CLUL1: variants seen among roughly 807,000 people sequenced by gnomAD.
CLUL1 encodes clusterin like 1.
In CLUL1, 43 loss-of-function variants were observed where a neutral mutation model predicts 49.4. The ratio of observed to expected loss-of-function variants is 0.87; its 90% CI spans 0.68 to 1.12. CLUL1 has a LOEUF of 1.12. Among genes scored for constraint, CLUL1 ranks in the 50% most tolerant of loss-of-function variants. The pLI is 0.00. For missense variants in CLUL1, 486 were observed against 544.4 expected (o/e 0.89, Z 1.07); for synonymous variants, 192 against 184.9 (o/e 1.04, Z -0.31).
intron 6 of CLUL1, among the ~76,000 whole-genome samples, chr18:631,611 C>T (rs1407158875): frequency 6.6e-6 from 1 of 152,020 alleles, no homozygotes; most frequent in East Asian, 1.9e-4. Context: ...ATTTGTCATC[C>T]TTGGTGTACA....
At chr18:604,766 A>G (rs1036381408) in intron 1 of CLUL1, among the ~76,000 whole-genome samples, 11 of 152,222 alleles carry the variant, frequency 7.2e-5, no homozygotes, top group Non-Finnish European at 1.5e-4. Flanking sequence ...GAATTTATTA[A>G]GCAAAAAGGA....
rs869103727 is a variant in CLUL1, at chr18:645,792, TAAAAAAAA to T, written c.1397+707_1397+714del. 1.0e-3 allele frequency among the ~76,000 whole-genome samples: 16 copies of T among 16,080 alleles called. 3 individuals are homozygous for T. Among genetic ancestry groups the T allele is most frequent in the South Asian group, 3.7e-3 (1 of 268 alleles). The allele number at this position is 16,080 out of a possible 152,430, so 10.5% of individuals were successfully genotyped here. A position where few individuals can be genotyped will look rare whatever the true frequency, so the allele number is the denominator to read the frequency against. ...CTGGGCGACAGAGCGAGACTCTGTTTAAAAAAAAAAAAAAAAAAATATATATATATATA... is the reference window on the plus strand; with the variant it reads ...CTGGGCGACAGAGCGAGACTCTGTTTAAAAAAAAAAATATATATATATATA... On this transcript the variant is annotated intron_variant, in intron 9 of 9. Transcript: ENST00000692774.
chr18:609,652 T>C (rs1040045959), intron 2 of CLUL1, among the ~76,000 whole-genome samples: 1 of 152,000 alleles, frequency 6.6e-6, no homozygotes, highest in Non-Finnish European at 1.5e-5. Flanking sequence ...GGTGAAACCC[T>C]GTCTCTACTA....
intron 2 of CLUL1, among the ~76,000 whole-genome samples, chr18:611,225 AC>A (rs2073124714): frequency 1.1e-5 from 1 of 91,858 alleles, no homozygotes; most frequent in Non-Finnish European, 2.1e-5. Context: ...AAGATAACCC[AC>A]CCCCCACCTT....
intron 2 of CLUL1, among the ~76,000 whole-genome samples, chr18:617,449 C>G (rs777249198): frequency 3.3e-5 from 5 of 151,930 alleles, no homozygotes; most frequent in Non-Finnish European, 4.4e-5. Flanking sequence ...ACAAAATTAA[C>G]CGGGCTTGGT....
Position 618,739 on chromosome 18 carries a change from T to C in CLUL1, c.107-474T>C, listed in dbSNP as rs911960139. Among the ~76,000 whole-genome samples, 1 of 152,172 alleles carries C rather than the reference T, an allele frequency of 6.6e-6. No homozygotes were observed. The highest frequency in any genetic ancestry group is 1.9e-4 in the East Asian group (1 of 5,202). On this transcript the variant is annotated intron_variant, in intron 3 of 9. Coordinates refer to ENST00000692774, the MANE Select transcript of CLUL1 (RefSeq NM_001393344.1). The surrounding 1 kb of genome is among the most constrained non-coding windows in gnomAD (Gnocchi z 4.2). ...ATTAAAGGTGTATAAGACACGTCCA[T>C]TGAGTTATTAAGGAAGCTCGTATTA...
intron 5 of CLUL1, among the ~76,000 whole-genome samples, chr18:626,494 C>T (rs551822505): frequency 1.3e-5 from 2 of 152,132 alleles, no homozygotes; most frequent in Non-Finnish European, 2.9e-5. Context: ...TTAATTGCCT[C>T]ATACTAGCTT....
intron 1 of CLUL1, among the ~76,000 whole-genome samples, chr18:597,429 G>C (rs995687014): frequency 6.6e-6 from 1 of 152,146 alleles, no homozygotes; most frequent in African/African-American, 2.4e-5. Context: ...AAAACTACTG[G>C]CAAAAACTAA....
intron 2 of CLUL1, among the ~76,000 whole-genome samples, chr18:612,078 C>T (rs186313636): frequency 1.3e-5 from 2 of 152,310 alleles, no homozygotes; most frequent in Non-Finnish European, 2.9e-5. Context: ...TCCAAAGAGG[C>T]ACCATTATCT....
At chr18:601,004 T>C (rs922202401) in intron 1 of CLUL1, among the ~76,000 whole-genome samples, 4 of 152,190 alleles carry the variant, frequency 2.6e-5, no homozygotes, top group African/African-American at 9.6e-5. Flanking sequence ...GGACGGTTGA[T>C]CACCCTACCC....
chr18:598,581 T>C (rs1270646736), intron 1 of CLUL1: 1 of 398,442 alleles, frequency 2.5e-6, no homozygotes, highest in African/African-American at 2.1e-5. Context: ...TTTACAACAC[T>C]GGTGAGCAGA....
At chr18:643,551 A>G (rs775383096) in intron 8 of CLUL1, among the ~76,000 whole-genome samples, 11 of 152,164 alleles carry the variant, frequency 7.2e-5, no homozygotes, top group Non-Finnish European at 1.3e-4. Context: ...TGTTTTTACC[A>G]TTGTCAGTAT....
At chr18:626,930 G>GA (rs2073776383) in intron 5 of CLUL1, among the ~76,000 whole-genome samples, 167 bp from the exon 6 acceptor site, 1 of 9,968 alleles carries the variant, frequency 1.0e-4, no homozygotes, top group Admixed American at 1.7e-3. Flanking sequence ...AAAGAAAGAA[G>GA]GAAAGAAGGA....
intron 6 of CLUL1, among the ~76,000 whole-genome samples, chr18:628,682 G>C (rs906754189): frequency 1.3e-5 from 2 of 149,486 alleles, no homozygotes; most frequent in Non-Finnish European, 1.5e-5. Flanking sequence ...TGTTGTCCAG[G>C]CTGTATTGGT....
At position 645,303 on chromosome 18, in the gene CLUL1, T is replaced by C. The variant is rs73366432; in HGVS notation, c.1397+206T>C. The C allele has an allele frequency of 3.6e-3, 1,630 of 450,076 alleles. 26 individuals are homozygous for C. Among genetic ancestry groups the C allele is most frequent in the African/African-American group, 0.03 (1,491 of 49,786 alleles). The allele number at this position is 450,076 out of a possible 1,614,324, so 27.9% of individuals were successfully genotyped here. On this transcript the variant is annotated intron_variant, in intron 9 of 9. Coordinates refer to ENST00000692774, the MANE Select transcript of CLUL1 (RefSeq NM_001393344.1). Reference sequence around the variant, plus strand: ...AAATCCTGATAGGAATGTGATGAAATGGGAATTCTCATATATCATGTATTG... The same window carrying C: ...AAATCCTGATAGGAATGTGATGAAACGGGAATTCTCATATATCATGTATTG...
chr18:633,306 C>G lies in CLUL1; in HGVS notation c.865C>G (p.His289Asp). Residue 289 changes from histidine (H) to aspartate (D), a missense_variant, in exon 7 of 10, where the codon CAC (histidine) becomes GAC (aspartate). Transcript: ENST00000692774. ...DLPKQDKAPD[H>D]GGLISKMLPG... The stretch of plus-strand genomic sequence containing the variant: ...TGTTATGTTCCCTGTAGCTCCTGAC[C>G]ACGGAGGCCTGATTTCAAAGATGTT... 6.2e-7 allele frequency: 1 copy of G among 1,611,556 alleles called. No individual in the cohort carries two copies. Among genetic ancestry groups the G allele is most frequent in the Non-Finnish European group, 8.5e-7 (1 of 1,178,688 alleles).
In CLUL1 at chr18:609,823, CAAA is replaced by C. The variant is rs10550407; in HGVS notation, c.-14+2742_-14+2744del. Among the ~76,000 whole-genome samples the C allele has an allele frequency of 5.9e-3, 592 of 100,710 alleles. 2 individuals carry two copies. Among genetic ancestry groups the C allele is most frequent in the South Asian group, 0.017 (48 of 2,832 alleles). The allele number at this position is 100,710 out of a possible 152,430, so 66.1% of individuals were successfully genotyped here. On this transcript the variant is annotated intron_variant, in intron 2 of 9. Transcript: ENST00000692774. ...TGGGTGACAAAGCGAGACTCTGTCT[CAAA>C]AAAAAAAAAAAAAAAAAGGTTAGAT...
rs746479625 is a variant in CLUL1, at chr18:641,457, G to A, written c.1125G>A (p.Val375=). 5 of 1,614,068 alleles carry A rather than the reference G, an allele frequency of 3.1e-6. No individual in the cohort carries two copies. Among genetic ancestry groups the A allele is most frequent in the African/African-American group, 1.3e-5 (1 of 74,922 alleles). The change falls in exon 8 of 10, where the codon GTG becomes GTA. Residue 375 remains valine, a synonymous_variant. Coordinates refer to ENST00000692774, the MANE Select transcript of CLUL1 (RefSeq NM_001393344.1). ...ACTTGGAGGACACCGCCTATCTGGT[G>A]GAGAAGATGAGAGGGCAATTTGGCT... The part of the protein sequence containing the change: ...RKHLEDTAYL[V]EKMRGQFGWV...
chr18:629,453 A>G (rs376574378), intron 6 of CLUL1, among the ~76,000 whole-genome samples: 2 of 152,168 alleles, frequency 1.3e-5, no homozygotes, highest in African/African-American at 2.4e-5. Flanking sequence ...TGTGCACAGG[A>G]CTGTCAGTAG....
Sources: gnomAD v4.1 joint callset for allele counts (sites outside exome capture counted in the v4.1 genomes callset) on GRCh38, gnomAD v4.1.1 for gene constraint, Gnocchi (gnomAD v3.1) non-coding constraint, MANE v1.5 for transcripts, NCBI Gene and HGNC (gene_info 2026-07-23, HGNC 2026-07-21) for gene names.